SMAD3: variants seen among roughly 807,000 people sequenced by gnomAD.
SMAD3 encodes SMAD family member 3, also known as MAD homolog 3.
Under a neutral mutation model 51.8 loss-of-function variants are expected in SMAD3, and 12 were observed. The ratio of observed to expected loss-of-function variants is 0.23; its 90% confidence interval spans 0.15 to 0.38. The LOEUF (loss-of-function observed/expected upper bound fraction) is 0.38, where lower values mean the gene tolerates loss of function less well. Among genes scored for constraint, SMAD3 ranks in the 10% least tolerant of loss-of-function variants. SMAD3 has a pLI of 1.00. For missense variants in SMAD3, 294 were observed against 565.6 expected, an observed-to-expected ratio of 0.52 and a Z score of 4.87; for synonymous variants, 238 against 227.7, an observed-to-expected ratio of 1.05 and a Z score of -0.41.
At position 67,087,448 on chromosome 15, in the gene SMAD3, C is replaced by T. The variant is rs138132263; in HGVS notation, c.206+21088C>T. The stretch of plus-strand genomic sequence containing the variant: ...CTTTTCTCTTTGGACCCTAAGATAC[C>T]GTGTAATAGGATTGTTCTTGGTTTC... On this transcript the variant is annotated intron_variant, in intron 1 of 8. Coordinates refer to ENST00000327367, the MANE Select transcript of SMAD3 (RefSeq NM_005902.4). 1.2e-3 allele frequency among the ~76,000 whole-genome samples: 190 copies of T among 152,232 alleles called. 1 individual carries two copies. Among genetic ancestry groups the T allele is most frequent in the Admixed American group, 4.6e-3 (70 of 15,282 alleles).
At chr15:67,082,640 C>A (rs1427686469) in intron 1 of SMAD3, among the ~76,000 whole-genome samples, 8 of 152,272 alleles carry the variant, frequency 5.3e-5, no homozygotes, top group African/African-American at 1.7e-4. Flanking sequence ...AAGTCCTGTC[C>A]AAATTATATA....
rs1963033742 is a variant in SMAD3 at position 67,180,937 on chromosome 15, T to C, written c.659-304T>C. ...CTCCTTGAAGACTCCTTCCATCCAG[T>C]CAAGGCCAAGCAGGCGGGGCAGGGC... is the stretch of plus-strand genomic sequence containing the variant. On this transcript the variant is annotated intron_variant, in intron 5 of 8. Coordinates refer to ENST00000327367, the MANE Select transcript of SMAD3 (RefSeq NM_005902.4). Among the ~76,000 whole-genome samples the C allele has an allele frequency of 1.3e-5, 2 of 151,698 alleles. 1 individual carries two copies. The highest frequency in any genetic ancestry group is 4.8e-5 in the African/African-American group (2 of 41,252).
At chr15:67,070,939 C>G (rs139470253) in intron 1 of SMAD3, among the ~76,000 whole-genome samples, 71 of 152,176 alleles carry the variant, frequency 4.7e-4, no homozygotes, top group African/African-American at 7.9e-4. Flanking sequence ...AGGTATGTTA[C>G]GTTTATACTT....
intron 1 of SMAD3, among the ~76,000 whole-genome samples, chr15:67,085,744 G>C (rs1290824379): frequency 6.6e-6 from 1 of 152,122 alleles, no homozygotes. Flanking sequence ...AACTTTCCTA[G>C]GTGATTCCGG....
At chr15:67,073,932 C>T (rs973988842) in intron 1 of SMAD3, among the ~76,000 whole-genome samples, 1 of 152,222 alleles carries the variant, frequency 6.6e-6, no homozygotes, top group Non-Finnish European at 1.5e-5. Context: ...CTCGGCCTCC[C>T]AAAGTGCTGG....
intron 5 of SMAD3, among the ~76,000 whole-genome samples, chr15:67,180,682 G>C (rs935493632): frequency 6.6e-6 from 1 of 152,006 alleles, no homozygotes; most frequent in Non-Finnish European, 1.5e-5. Context: ...CTTGGAAGCT[G>C]CTGCTCCACA....
intron 1 of SMAD3, among the ~76,000 whole-genome samples, chr15:67,083,946 C>A (rs1361360702): frequency 6.6e-6 from 1 of 151,818 alleles, no homozygotes; most frequent in Non-Finnish European, 1.5e-5. Context: ...TGGAGATGGG[C>A]TTTATGACTT....
chr15:67,183,565 G>T (rs1389268020), intron 6 of SMAD3, among the ~76,000 whole-genome samples: 1 of 152,116 alleles, frequency 6.6e-6, no homozygotes, highest in Non-Finnish European at 1.5e-5. Flanking sequence ...CAGGACAGGG[G>T]ACATCCAGTG....
intron 1 of SMAD3, among the ~76,000 whole-genome samples, chr15:67,130,259 A>G (rs1251307362): frequency 6.6e-6 from 1 of 152,154 alleles, no homozygotes; most frequent in Non-Finnish European, 1.5e-5. Flanking sequence ...GTAGAGTTAG[A>G]ATTTGGAATA....
At chr15:67,120,376 A>G (rs950073422) in intron 1 of SMAD3, among the ~76,000 whole-genome samples, 3 of 152,174 alleles carry the variant, frequency 2.0e-5, no homozygotes, top group South Asian at 2.1e-4. Flanking sequence ...TACACATGCC[A>G]TGCTGTTTCT....
At chr15:67,168,921 G>T (rs186835158) in intron 4 of SMAD3, among the ~76,000 whole-genome samples, 1 of 152,254 alleles carries the variant, frequency 6.6e-6, no homozygotes, top group Non-Finnish European at 1.5e-5. Context: ...GGGCCAGAGG[G>T]TCACGTTGTT....
intron 1 of SMAD3, among the ~76,000 whole-genome samples, chr15:67,078,505 T>C (rs1960217378): frequency 6.6e-6 from 1 of 152,224 alleles, no homozygotes. Flanking sequence ...ACAGATTATA[T>C]TCCTTAATGA....
intron 1 of SMAD3, among the ~76,000 whole-genome samples, chr15:67,077,209 G>T (rs1415293422): frequency 6.6e-6 from 1 of 151,640 alleles, no homozygotes; most frequent in African/African-American, 2.4e-5. Context: ...TGCTCTTAGG[G>T]CAGGCATTTC....
intron 1 of SMAD3, among the ~76,000 whole-genome samples, chr15:67,143,886 C>T (rs1422868934): frequency 6.6e-6 from 1 of 152,064 alleles, no homozygotes; most frequent in African/African-American, 2.4e-5. Context: ...TCTCCTGCCT[C>T]AGCCTCCTGA....
intron 1 of SMAD3, among the ~76,000 whole-genome samples, chr15:67,108,352 A>G (rs1027226987): frequency 2.6e-5 from 4 of 152,132 alleles, no homozygotes; most frequent in African/African-American, 9.7e-5. Flanking sequence ...CCCCACTCTG[A>G]TGATACTAGA....
At chr15:67,112,500 T>C (rs1961041438) in intron 1 of SMAD3, among the ~76,000 whole-genome samples, 1 of 133,422 alleles carries the variant, frequency 7.5e-6, no homozygotes, top group Non-Finnish European at 1.5e-5. Flanking sequence ...TGTTGAATTA[T>C]AAGAGTTCCT....
chr15:67,165,490 C>T, intron 3 of SMAD3, 106 bp downstream of exon 3: 1 of 1,376,846 alleles, frequency 7.3e-7, no homozygotes, highest in Non-Finnish European at 1.0e-6. Flanking sequence ...CCCCCGCTCA[C>T]CCCCTCTTTG....
chr15:67,179,126 G>A lies in SMAD3; in HGVS notation c.659-2115G>A, dbSNP rs115932050. Among the ~76,000 whole-genome samples the A allele has an allele frequency of 9.4e-3, 1,436 of 152,342 alleles. 22 individuals carry two copies. Among genetic ancestry groups the A allele is most frequent in the African/African-American group, 0.029 (1,204 of 41,580 alleles). Reference sequence around the variant, plus strand: ...GAGAGTAAAGAGGATGAGGCCCACAGAGTGTAGCTGGTTTGCTCGCAGTTG... The same window carrying A: ...GAGAGTAAAGAGGATGAGGCCCACAAAGTGTAGCTGGTTTGCTCGCAGTTG... On this transcript the variant is annotated intron_variant, in intron 5 of 8. Transcript: ENST00000327367.
At position 67,101,559 on chromosome 15, in the gene SMAD3, A is replaced by T. The variant is rs545607899; in HGVS notation, c.206+35199A>T. Among the ~76,000 whole-genome samples, 5 of 152,298 alleles carry T rather than the reference A, an allele frequency of 3.3e-5. No homozygotes were observed. The South Asian group carries it at 1.0e-3, about 32-fold the overall frequency. On this transcript the variant is annotated intron_variant, in intron 1 of 8. Transcript: ENST00000327367. ...AGCAATGATGATGACAGTGATGATGATGCCACTGGAACAGGCTGAGCTGTA... is the reference window on the plus strand; with the variant it reads ...AGCAATGATGATGACAGTGATGATGTTGCCACTGGAACAGGCTGAGCTGTA...
Sources: allele counts gnomAD v4.1 joint callset (sites outside exome capture counted in the v4.1 genomes callset), GRCh38; gene constraint gnomAD v4.1.1; transcripts MANE v1.5; gene names NCBI Gene and HGNC (gene_info 2026-07-23, HGNC 2026-07-21).